Variants in TANC2 observed in about 807,000 individuals in gnomAD.
The protein encoded by TANC2 is protein TANC2.
TANC2 carries 26 observed loss-of-function variants against 210.5 expected under a neutral mutation model. The ratio of observed to expected loss-of-function variants is 0.12; its 90% CI spans 0.09 to 0.17. The LOEUF is 0.17. Ranked by LOEUF, TANC2 falls within the 10% of genes least tolerant of loss-of-function variation. The pLI, the probability that TANC2 is intolerant of heterozygous loss-of-function variation, is 1.00. For missense variants in TANC2, 2,129 were observed against 2,608.9 expected (o/e 0.82, Z 4.01); for synonymous variants, 931 against 967.1 (o/e 0.96, Z 0.69).
At chr17:63,419,370 ATT>A (rs1469085927) in intron 27 of TANC2, among the ~76,000 whole-genome samples, 1 of 152,162 alleles carries the variant, frequency 6.6e-6, no homozygotes, top group East Asian at 1.9e-4. Context: ...CTGACAGTTC[ATT>A]TCTTCATTTG....
chr17:63,420,057 C>G lies in TANC2; in HGVS notation c.4327C>G (p.Arg1443Gly). ...GGCCATCAAGCTGTGTCCCAACAACCGTGAGATCCAGAGACTTCTGCTGAG... is the reference window on the plus strand; with the variant it reads ...GGCCATCAAGCTGTGTCCCAACAACGGTGAGATCCAGAGACTTCTGCTGAG... Residue 1443 changes from arginine to glycine, a missense_variant, in exon 28 of 28, where the codon CGT becomes GGT. By Grantham distance (125) the Arg-to-Gly change is moderately radical. Around this residue, in one of 5 missense-constraint regions of TANC2, gnomAD observed 584 missense variants for 627.3 expected, o/e 0.93. Transcript: ENST00000689528. This position sits in a 1 kb window ranked among gnomAD's most constrained non-coding sequence, Gnocchi z 4.2. The G allele has an allele frequency of 6.4e-7, 1 of 1,552,198 alleles. No homozygotes were observed. The highest frequency in any genetic ancestry group is 8.7e-7 in the Non-Finnish European group (1 of 1,147,094).
At chr17:63,332,309 C>A in intron 11 of TANC2, 1 of 334,376 alleles carries the variant, frequency 3.0e-6, no homozygotes. Context: ...CCTTCCCCTG[C>A]TATTCCTTGA....
At chr17:63,294,527 G>T (rs151122758) in intron 9 of TANC2, among the ~76,000 whole-genome samples, 2 of 151,120 alleles carry the variant, frequency 1.3e-5, no homozygotes, top group Admixed American at 1.3e-4. Flanking sequence ...TTTTTTGTAT[G>T]CCCTATTAGA....
chr17:63,120,008 G>A (rs1276499889), intron 4 of TANC2, among the ~76,000 whole-genome samples: 2 of 151,364 alleles, frequency 1.3e-5, no homozygotes, highest in Non-Finnish European at 2.9e-5. Context: ...TCCAGACCAA[G>A]TGACATAGTG....
chr17:63,020,135 C>G (rs1306808935), intron 2 of TANC2, among the ~76,000 whole-genome samples: 2 of 152,152 alleles, frequency 1.3e-5, no homozygotes, highest in Non-Finnish European at 2.9e-5. Flanking sequence ...ACCATTTTGA[C>G]CAGGCTCGTC....
At chr17:63,124,826 A>T (rs956666517) in intron 4 of TANC2, among the ~76,000 whole-genome samples, 7 of 152,092 alleles carry the variant, frequency 4.6e-5, no homozygotes, top group Admixed American at 4.6e-4. Context: ...CCTATTATGA[A>T]ATGCACATCT....
intron 5 of TANC2, among the ~76,000 whole-genome samples, chr17:63,156,763 A>G (rs2039854418): frequency 6.6e-6 from 1 of 151,560 alleles, no homozygotes; most frequent in African/African-American, 2.4e-5. Flanking sequence ...TATGTTGCCT[A>G]GGCATACTGC....
Position 63,421,933 on chromosome 17 carries a change from C to A in TANC2, c.6203C>A (p.Pro2068Gln). Reference sequence around the variant, plus strand: ...ACATCCCCTATCAAACCAAAGAGACCGTTCGTGGAGTCTAATGTTTAAAAG... The same window carrying A: ...ACATCCCCTATCAAACCAAAGAGACAGTTCGTGGAGTCTAATGTTTAAAAG... Residue 2068 changes from proline (P) to glutamine (Q), a missense_variant, in exon 28 of 28, where the codon CCG becomes CAG. By Grantham distance (76) the Pro-to-Gln change is moderately conservative (BLOSUM62 -1). Coordinates refer to ENST00000689528, the Ensembl canonical transcript of TANC2. The surrounding 1 kb of genome is among the most constrained non-coding windows in gnomAD (Gnocchi z 6.9). 1.2e-6 allele frequency: 2 copies of A among 1,611,308 alleles called. No individual in the cohort carries two copies. Among genetic ancestry groups the A allele is most frequent in the Non-Finnish European group, 1.7e-6 (2 of 1,178,492 alleles).
intron 2 of TANC2, among the ~76,000 whole-genome samples, chr17:63,057,974 A>C (rs1299730686): frequency 1.3e-5 from 2 of 152,144 alleles, no homozygotes; most frequent in African/African-American, 4.8e-5. Flanking sequence ...TGGGTTGAAT[A>C]GTAATTCTGT....
At chr17:63,173,005 G>A (rs938695765) in intron 5 of TANC2, among the ~76,000 whole-genome samples, 13 of 152,102 alleles carry the variant, frequency 8.5e-5, no homozygotes, top group Non-Finnish European at 1.9e-4. Context: ...AGGTAAATGC[G>A]AATGGCATAT....
intron 8 of TANC2, among the ~76,000 whole-genome samples, chr17:63,251,643 A>G (rs1047139981): frequency 6.6e-5 from 10 of 152,230 alleles, no homozygotes; most frequent in Non-Finnish European, 8.8e-5. Flanking sequence ...GTAGTCCCAG[A>G]TTAAAGCCAT....
intron 12 of TANC2, among the ~76,000 whole-genome samples, chr17:63,345,314 A>G (rs1375409051): frequency 1.3e-5 from 2 of 152,186 alleles, no homozygotes; most frequent in African/African-American, 4.8e-5. Context: ...TTCTTAAACT[A>G]TTCTATAGAT....
chr17:62,998,868 A>G (rs1279930466), intron 1 of TANC2, among the ~76,000 whole-genome samples: 1 of 152,204 alleles, frequency 6.6e-6, no homozygotes, highest in Non-Finnish European at 1.5e-5. Flanking sequence ...ATAACCAGCT[A>G]ATAACATAAT....
In TANC2 at chr17:63,420,224, G is replaced by A; in HGVS notation, c.4494G>A (p.Glu1498=). 6.2e-7 allele frequency: 1 copy of A among 1,611,838 alleles called. No homozygotes were observed. Among genetic ancestry groups the A allele is most frequent in the South Asian group, 1.1e-5 (1 of 90,714 alleles). ...CTGTACAGGATATATTCGAGGAGGA[G>A]TACCTGGAACAGGATGTTGAAAATG... is the stretch of plus-strand genomic sequence containing the variant. Residue 1498 remains glutamate (E), a synonymous_variant, in exon 28 of 28, where the codon GAG becomes GAA. Coordinates refer to ENST00000689528, the Ensembl canonical transcript of TANC2. The surrounding 1 kb of genome is among the most constrained non-coding windows in gnomAD (Gnocchi z 4.2).
In TANC2 at chr17:62,966,622, C is replaced by G. The variant is rs1268274670; in HGVS notation, c.-151C>G. 6.6e-6 allele frequency among the ~76,000 whole-genome samples: 1 copy of G among 151,664 alleles called. No homozygotes were observed. The highest frequency in any genetic ancestry group is 1.5e-5 in the Non-Finnish European group (1 of 67,858). Reference sequence around the variant, plus strand: ...GCCGTTCCGGGGTGCAGACTCGCCGCGGGGCGTTGGAGGACTGCGAGGTGC... The same window carrying G: ...GCCGTTCCGGGGTGCAGACTCGCCGGGGGGCGTTGGAGGACTGCGAGGTGC... On this transcript the variant is annotated 5_prime_UTR_variant, in exon 1 of 28. Transcript: ENST00000689528. The surrounding 1 kb of genome is among the most constrained non-coding windows in gnomAD (Gnocchi z 5.1).
At chr17:63,088,405 A>G (rs1313335665) in intron 3 of TANC2, 1 of 152,214 alleles carries the variant, frequency 6.6e-6, no homozygotes, top group African/African-American at 2.4e-5. Flanking sequence ...CATTGCATTT[A>G]TAGCCTTTCT....
intron 3 of TANC2, among the ~76,000 whole-genome samples, chr17:63,090,714 T>C (rs2144803630): frequency 6.6e-6 from 1 of 152,270 alleles, no homozygotes; most frequent in East Asian, 1.9e-4. Flanking sequence ...ATCCTTTGGG[T>C]ATATAGCCAG....
intron 4 of TANC2, among the ~76,000 whole-genome samples, chr17:63,114,748 A>G (rs2038189349): frequency 6.6e-6 from 1 of 152,200 alleles, no homozygotes; most frequent in Non-Finnish European, 1.5e-5. Context: ...GAATAAAAAT[A>G]AAAAAGAATG....
intron 3 of TANC2, among the ~76,000 whole-genome samples, chr17:63,081,299 A>G (rs796234121): frequency 8.1e-4 from 123 of 152,298 alleles, no homozygotes; most frequent in African/African-American, 2.8e-3. Flanking sequence ...ATGTATTGTT[A>G]TAGTTTCATT....
Sources: gnomAD v4.1 joint callset for allele counts (sites outside exome capture counted in the v4.1 genomes callset) on GRCh38, gnomAD v4.1.1 for gene constraint, gnomAD v4.1.1 regional missense constraint, Gnocchi (gnomAD v3.1) non-coding constraint, MANE v1.5 for transcripts, NCBI Gene and HGNC (gene_info 2026-07-23, HGNC 2026-07-21) for gene names.